The following DLGAP1 variants were observed in gnomAD, a reference collection of about 807,000 sequenced individuals.
DLGAP1 encodes the protein DLG associated protein 1.
DLGAP1 carries 11 observed loss-of-function variants against 90.8 expected under a neutral mutation model. The observed-to-expected ratio is 0.12, with a 90% CI of 0.08 to 0.20. The LOEUF (loss-of-function observed/expected upper bound fraction) is 0.20, where lower values mean the gene tolerates loss of function less well. DLGAP1 is among the 10% of genes least tolerant of loss of function. The pLI, the probability that DLGAP1 is intolerant of heterozygous loss-of-function variation, is 1.00. For synonymous variants in DLGAP1, 558 were observed against 540.7 expected, an observed-to-expected ratio of 1.03 and a Z score of -0.44; for missense variants, 1,050 against 1,333.8, an observed-to-expected ratio of 0.79 and a Z score of 3.31.
intron 2 of DLGAP1, among the ~76,000 whole-genome samples, chr18:4,113,988 G>A (rs1338852339): frequency 1.3e-5 from 2 of 148,770 alleles, no homozygotes; most frequent in Non-Finnish European, 3.0e-5. Context: ...TTTTTTGCCA[G>A]TACCATGCTG....
intron 7 of DLGAP1, among the ~76,000 whole-genome samples, chr18:3,643,505 T>C (rs2059011454): frequency 6.6e-6 from 1 of 151,534 alleles, no homozygotes; most frequent in Non-Finnish European, 1.5e-5. Context: ...CTACTAAAAA[T>C]ACAAAAAATT....
At chr18:4,333,363 A>G (rs2080992501) in intron 1 of DLGAP1, among the ~76,000 whole-genome samples, 1 of 151,820 alleles carries the variant, frequency 6.6e-6, no homozygotes, top group Admixed American at 6.6e-5. Context: ...AAAAGCATCC[A>G]GAGGGTAAGC....
chr18:3,776,998 G>A (rs2064967337), intron 5 of DLGAP1, among the ~76,000 whole-genome samples: 1 of 131,358 alleles, frequency 7.6e-6, no homozygotes, highest in Admixed American at 7.6e-5. Context: ...TCACTATGTT[G>A]CCCAGGTCAG....
intron 7 of DLGAP1, chr18:3,655,830 G>C (rs2059462781): frequency 4.7e-6 from 2 of 425,836 alleles, no homozygotes. Context: ...CACCGGCTCC[G>C]AGGCAGTCAC....
chr18:3,942,140 G>T (rs1211546574), intron 3 of DLGAP1, among the ~76,000 whole-genome samples: 1 of 152,176 alleles, frequency 6.6e-6, no homozygotes, highest in East Asian at 1.9e-4. Context: ...TTTGTGACCT[G>T]AAGTGAGCTA....
chr18:4,069,069 G>C (rs2075409810), intron 2 of DLGAP1, among the ~76,000 whole-genome samples: 1 of 152,136 alleles, frequency 6.6e-6, no homozygotes, highest in Non-Finnish European at 1.5e-5. Context: ...TACATTTTAT[G>C]ATTGCTCTGA....
chr18:3,592,276 C>T (rs2056288938), intron 7 of DLGAP1, among the ~76,000 whole-genome samples: 1 of 152,204 alleles, frequency 6.6e-6, no homozygotes, highest in Non-Finnish European at 1.5e-5. Flanking sequence ...CTGCTTCCAG[C>T]CAAGCAGACC....
chr18:4,428,444 T>C (rs1334316962), intron 1 of DLGAP1, among the ~76,000 whole-genome samples: 1 of 152,066 alleles, frequency 6.6e-6, no homozygotes, highest in African/African-American at 2.4e-5. Context: ...TAGCTGGGCA[T>C]GGTGGCGCAC....
At chr18:4,231,859 G>A (rs1301460715) in intron 1 of DLGAP1, among the ~76,000 whole-genome samples, 1 of 152,114 alleles carries the variant, frequency 6.6e-6, no homozygotes, top group African/African-American at 2.4e-5. Flanking sequence ...ATGTCTACAA[G>A]ATGCACACAT....
chr18:4,086,135 G>T (rs60511316), intron 2 of DLGAP1, among the ~76,000 whole-genome samples: 43,079 of 151,994 alleles, frequency 0.28, 6,474 homozygotes, highest in African/African-American at 0.33. Flanking sequence ...GTTTTGACAT[G>T]GGAACAGAGC....
At chr18:4,320,153 T>C (rs2080642029) in intron 1 of DLGAP1, among the ~76,000 whole-genome samples, 1 of 152,202 alleles carries the variant, frequency 6.6e-6, no homozygotes. Flanking sequence ...GAGGCAATTA[T>C]GAGAAAGACA....
intron 3 of DLGAP1, 129 bp from the exon 4 acceptor site, chr18:3,880,269 C>T: frequency 1.6e-6 from 1 of 608,970 alleles, no homozygotes; most frequent in Non-Finnish European, 2.9e-6. Context: ...CTGCAGCCTC[C>T]ACATCCTGGG....
At chr18:4,305,909 A>T (rs199610415) in intron 1 of DLGAP1, among the ~76,000 whole-genome samples, 19 of 39,806 alleles carry the variant, frequency 4.8e-4, no homozygotes, top group African/African-American at 6.0e-4. Context: ...CATGATTATT[A>T]TTTTTTTTTT....
rs564527393 is a variant in DLGAP1 at position 4,364,134 on chromosome 18, C to T, written c.-267+90872G>A. On this transcript the variant is annotated intron_variant, in intron 1 of 12. Transcript: ENST00000315677. ...ACATGGATGAAATTGGAAATCATCA[C>T]TCTCAGTAAACTATCGCAAGGACAA... is the stretch of plus-strand genomic sequence containing the variant. 8.1e-3 allele frequency among the ~76,000 whole-genome samples: 1,229 copies of T among 151,168 alleles called. 14 individuals carry two copies. Among genetic ancestry groups the T allele is most frequent in the African/African-American group, 0.028 (1,163 of 41,072 alleles).
At chr18:3,758,071 C>T (rs2063791979) in intron 5 of DLGAP1, among the ~76,000 whole-genome samples, 1 of 147,118 alleles carries the variant, frequency 6.8e-6, no homozygotes, top group Admixed American at 6.8e-5. Flanking sequence ...GCCAAGATTG[C>T]ACTCCAGCCT....
At position 4,338,678 on chromosome 18, in the gene DLGAP1, C is replaced by T. The variant is rs141823226; in HGVS notation, c.-267+116328G>A. ...ATGGCAAGATGATAAATACGACAGACGGTGAATGAATAAGACATTAAATAA... is the reference window on the plus strand; with the variant it reads ...ATGGCAAGATGATAAATACGACAGATGGTGAATGAATAAGACATTAAATAA... On this transcript the variant is annotated intron_variant, in intron 1 of 12. Transcript: ENST00000315677. Among the ~76,000 whole-genome samples the T allele has an allele frequency of 2.5e-3, 382 of 152,226 alleles. 1 individual carries two copies. The highest frequency in any genetic ancestry group is 8.7e-3 in the African/African-American group (360 of 41,526).
chr18:3,823,857 G>A (rs1052818324), intron 4 of DLGAP1, among the ~76,000 whole-genome samples: 1 of 146,770 alleles, frequency 6.8e-6, no homozygotes. Context: ...GGCTGAGGCA[G>A]GAGAATTGCT....
chr18:3,507,736 G>GT (rs386386884), intron 11 of DLGAP1, among the ~76,000 whole-genome samples: 17,884 of 89,854 alleles, frequency 0.2, 3,039 homozygotes, highest in Middle Eastern at 0.41. Flanking sequence ...ATTCTTGAAG[G>GT]TTTTTTTTTT....
intron 1 of DLGAP1, among the ~76,000 whole-genome samples, chr18:4,420,882 A>G (rs557471384): frequency 1.3e-5 from 2 of 152,346 alleles, no homozygotes; most frequent in South Asian, 2.1e-4. Flanking sequence ...GAAATCAACC[A>G]TGAGGCATTA....
Sources: allele counts gnomAD v4.1 joint callset (sites outside exome capture counted in the v4.1 genomes callset), GRCh38; gene constraint gnomAD v4.1.1; transcripts MANE v1.5; gene names NCBI Gene and HGNC (gene_info 2026-07-23, HGNC 2026-07-21).